The following IDH1 variants were observed in gnomAD, a reference collection of about 807,000 sequenced individuals.
IDH1 encodes isocitrate dehydrogenase (NADP(+)) 1, also known as isocitrate dehydrogenase [NADP] cytoplasmic.
In IDH1, 33 loss-of-function variants were observed where a neutral mutation model predicts 46.1. The observed-to-expected ratio is 0.72, with a 90% CI of 0.54 to 0.96. The LOEUF (loss-of-function observed/expected upper bound fraction) is 0.96. Ranked by LOEUF, IDH1 falls within the 40% of genes least tolerant of loss-of-function variation. IDH1 has a pLI of 0.00. For synonymous variants in IDH1, 144 were observed against 172.8 expected (o/e 0.83, Z 1.31); for missense variants, 421 against 515.7 (o/e 0.82, Z 1.78).
At chr2:208,246,342 A>C (rs1386317216) in intron 4 of IDH1, among the ~76,000 whole-genome samples, 1 of 152,188 alleles carries the variant, frequency 6.6e-6, no homozygotes, top group East Asian at 1.9e-4. Context: ...CACATCTATA[A>C]GTGTAGAGAA....
At position 208,245,417 on chromosome 2, in the gene IDH1, G is replaced by A. The variant is rs2124857647; in HGVS notation, c.422C>T (p.Ala141Val). 1 of 1,596,270 alleles carries A rather than the reference G, an allele frequency of 6.3e-7. No individual in the cohort carries two copies. Among genetic ancestry groups the A allele is most frequent in the Non-Finnish European group, 8.6e-7 (1 of 1,164,620 alleles). Residue 141 changes from alanine (A) to valine (V), a missense_variant, in exon 5 of 10, where the codon GCA (alanine) becomes GTA (valine). Physicochemically the swap from Ala to Val is moderately conservative, Grantham distance 64. Coordinates refer to ENST00000345146, the MANE Select transcript of IDH1 (RefSeq NM_005896.4). ...AGGCCCAGGAACAACAAAATCAGTTGCTCTGTACTGTGTAGAGGGGAAAAA... is the reference window on the plus strand; with the variant it reads ...AGGCCCAGGAACAACAAAATCAGTTACTCTGTACTGTGTAGAGGGGAAAAA... The part of the protein sequence containing the change: ...GRHAYGDQYR[A>V]TDFVVPGPGK...
At position 208,237,043 on chromosome 2, in the gene IDH1, C is replaced by A; in HGVS notation, c.*36G>T. 8.3e-7 allele frequency: 1 copy of A among 1,199,696 alleles called. No individual in the cohort carries two copies. Among genetic ancestry groups the A allele is most frequent in the Non-Finnish European group, 1.2e-6 (1 of 811,780 alleles). 74.3% of individuals were successfully genotyped at this position (1,199,696 alleles called of 1,614,324 possible). A position where few individuals can be genotyped will look rare whatever the true frequency, so the allele number is the denominator to read the frequency against. ...AATGTAAACCTGTAGACCTAGTTAC[C>A]AAAAGACAATTATCCTTCTTAGCTC... On this transcript the variant is annotated 3_prime_UTR_variant, in exon 10 of 10. Transcript: ENST00000345146.
At chr2:208,246,743 G>T (rs1688029966) in intron 4 of IDH1, among the ~76,000 whole-genome samples, 1 of 151,864 alleles carries the variant, frequency 6.6e-6, no homozygotes, top group African/African-American at 2.4e-5. Context: ...AGGAGTTTGA[G>T]ACCAGCCTGA....
At chr2:208,245,919 T>C (rs1203557720) in intron 4 of IDH1, among the ~76,000 whole-genome samples, 2 of 152,068 alleles carry the variant, frequency 1.3e-5, no homozygotes, top group African/African-American at 4.8e-5. Context: ...TTGTCCTTAC[T>C]CTATGCCAGA....
chr2:208,243,000 G>A (rs562495660), intron 6 of IDH1, among the ~76,000 whole-genome samples: 8 of 152,126 alleles, frequency 5.3e-5, no homozygotes, highest in African/African-American at 1.9e-4. Context: ...TCCTGACCTC[G>A]TGATCCGCCC....
intron 3 of IDH1, chr2:208,251,183 G>A: frequency 2.7e-6 from 1 of 369,688 alleles, no homozygotes; most frequent in Non-Finnish European, 4.9e-6. Context: ...TATAAAAAAA[G>A]CTAACTTCAC....
chr2:208,251,657 G>A, intron 2 of IDH1, 90 bp from the exon 3 acceptor site: 1 of 1,011,330 alleles, frequency 9.9e-7, no homozygotes, highest in Middle Eastern at 2.1e-4. Flanking sequence ...AAACAACGTA[G>A]TGACTACTAA....
intron 9 of IDH1, 41 bp downstream of exon 9, chr2:208,239,030 G>A (rs367959618): frequency 1.3e-4 from 208 of 1,551,638 alleles, no homozygotes; most frequent in Non-Finnish European, 1.7e-4. Flanking sequence ...GTGAGGATAA[G>A]TGTTAATTTG....
At chr2:208,245,789 CAAAA>C (rs11305109) in intron 4 of IDH1, among the ~76,000 whole-genome samples, 21 of 117,360 alleles carry the variant, frequency 1.8e-4, no homozygotes, top group African/African-American at 3.9e-4. Flanking sequence ...ACCCCCCCCC[CAAAA>C]AAAAAAAAAC....
rs2124867994 is a variant in IDH1, at chr2:208,251,441, C to T, written c.111G>A (p.Leu37=). 1.9e-6 allele frequency: 3 copies of T among 1,613,186 alleles called. No individual in the cohort carries two copies. Among genetic ancestry groups the T allele is most frequent in the Non-Finnish European group, 2.5e-6 (3 of 1,179,796 alleles). The change falls in exon 3 of 10, where the codon TTG becomes TTA. Residue 37 remains leucine, a synonymous_variant. Transcript: ENST00000345146. ...KEKLIFPYVE[L]DLHSYDLGIE... is the part of the protein sequence containing the mutation. ...GGTAACTCATTTACCTATGTAGATC[C>T]AATTCCACGTAGGGAAAAATGAGTT...
intron 3 of IDH1, among the ~76,000 whole-genome samples, chr2:208,249,098 C>G: frequency 6.6e-6 from 1 of 151,722 alleles, no homozygotes; most frequent in Middle Eastern, 3.4e-3. Context: ...TGTATTTTGA[C>G]GTTGAAGTGG....
intron 9 of IDH1, among the ~76,000 whole-genome samples, chr2:208,238,066 C>G (rs1249937292): frequency 2.1e-5 from 3 of 145,794 alleles, no homozygotes; most frequent in Non-Finnish European, 4.5e-5. Context: ...GATGGAGTCT[C>G]GCTCTGTCAC....
chr2:208,249,004 G>A (rs1688074715), intron 3 of IDH1, among the ~76,000 whole-genome samples: 1 of 152,166 alleles, frequency 6.6e-6, no homozygotes, highest in Admixed American at 6.6e-5. Context: ...AGTATAATAA[G>A]TGTAAGTCTA....
At chr2:208,237,238 C>G in intron 9 of IDH1, 69 bp from the exon 10 acceptor site, 1 of 782,868 alleles carries the variant, frequency 1.3e-6, no homozygotes, top group East Asian at 2.6e-5. Flanking sequence ...TGGTAAAGTC[C>G]TAGAAATGCT....
chr2:208,245,254 A>AT, intron 5 of IDH1, 65 bp downstream of exon 5: 1 of 880,724 alleles, frequency 1.1e-6, no homozygotes, highest in Non-Finnish European at 1.9e-6. Flanking sequence ...CAAAAAAAGC[A>AT]ATAAAAATAT....
At chr2:208,247,148 C>T (rs969792051) in intron 4 of IDH1, among the ~76,000 whole-genome samples, 1 of 152,134 alleles carries the variant, frequency 6.6e-6, no homozygotes, top group Non-Finnish European at 1.5e-5. Flanking sequence ...ACTGACCCCT[C>T]AAGGACTAAA....
Position 208,243,407 on chromosome 2 carries a change from T to C in IDH1, c.698+20A>G, listed in dbSNP as rs767925620. The C allele has an allele frequency of 6.3e-7, 1 of 1,583,148 alleles. No individual in the cohort carries two copies. Among genetic ancestry groups the C allele is most frequent in the Admixed American group, 1.7e-5 (1 of 59,914 alleles). On this transcript the variant is annotated intron_variant, in intron 6 of 9. Transcript: ENST00000345146. Reference sequence around the variant, plus strand: ...GCTTACTTGAGAATAAAGAAAAAGTTAAAAAAGAACTATAGTTACTTGTCA... The same window carrying C: ...GCTTACTTGAGAATAAAGAAAAAGTCAAAAAAGAACTATAGTTACTTGTCA...
chr2:208,245,450 A>AC (rs1258017388), intron 4 of IDH1, 26 bp from the exon 5 acceptor site: 4 of 1,284,968 alleles, frequency 3.1e-6, no homozygotes, highest in Non-Finnish European at 4.5e-6. Context: ...AAAGGTATAA[A>AC]GAAAAAAAAA....
intron 5 of IDH1, among the ~76,000 whole-genome samples, 163 bp downstream of exon 5, chr2:208,245,156 G>A (rs999608373): frequency 6.6e-6 from 1 of 152,050 alleles, no homozygotes; most frequent in Non-Finnish European, 1.5e-5. Flanking sequence ...AGGAAGGTAT[G>A]GAAGCAAATT....
Sources: allele counts gnomAD v4.1 joint callset (sites outside exome capture counted in the v4.1 genomes callset), GRCh38; gene constraint gnomAD v4.1.1; transcripts MANE v1.5; gene names NCBI Gene and HGNC (gene_info 2026-07-23, HGNC 2026-07-21).